Variants in GABRR1 observed in about 807,000 individuals in gnomAD.
GABRR1 encodes gamma-aminobutyric acid type A receptor subunit rho1.
GABRR1 carries 59 observed loss-of-function variants against 55.5 expected under a neutral mutation model. The observed-to-expected ratio is 1.06, with a 90% CI of 0.86 to 1.32. The LOEUF (loss-of-function observed/expected upper bound fraction) is 1.32, where lower values mean the gene tolerates loss of function less well. Ranked by LOEUF, GABRR1 falls within the 40% of genes most tolerant of loss-of-function variation. The pLI is 0.00. For synonymous variants in GABRR1, 213 were observed against 226.0 expected, an observed-to-expected ratio of 0.94 and a Z score of 0.51; for missense variants, 602 against 619.1, an observed-to-expected ratio of 0.97 and a Z score of 0.29.
At position 89,201,168 on chromosome 6, in the gene GABRR1, C is replaced by T; in HGVS notation, c.271G>A (p.Gly91Ser). ...AGCACACATCCCATACCTCCAAAGCCAGGCCTCATGCTGAAATCATGGTCA... is the reference window on the plus strand; with the variant it reads ...AGCACACATCCCATACCTCCAAAGCTAGGCCTCATGCTGAAATCATGGTCA... Reference protein sequence around the residue: ...IDDHDFSMRPGFGGPAIPVGV... With the variant: ...IDDHDFSMRPSFGGPAIPVGV... The change falls in exon 3 of 10, where the codon GGC (glycine) becomes AGC (serine). Residue 91 changes from glycine (G) to serine (S), a missense_variant. Transcript: ENST00000454853. 6.2e-7 allele frequency: 1 copy of T among 1,613,392 alleles called. No homozygotes were observed. The highest frequency in any genetic ancestry group is 8.5e-7 in the Non-Finnish European group (1 of 1,179,322).
intron 5 of GABRR1, among the ~76,000 whole-genome samples, chr6:89,196,771 T>C (rs1384984985): frequency 8.6e-6 from 1 of 116,278 alleles, no homozygotes; most frequent in Non-Finnish European, 1.8e-5. Flanking sequence ...AGCAAAACTC[T>C]GTAAATAAAA....
In GABRR1 at chr6:89,178,676, T is replaced by G; in HGVS notation, c.*94A>C. The G allele has an allele frequency of 8.7e-7, 1 of 1,154,298 alleles. No homozygotes were observed. Among genetic ancestry groups the G allele is most frequent in the South Asian group, 1.5e-5 (1 of 65,672 alleles). The allele number at this position is 1,154,298 out of a possible 1,614,324, so 71.5% of individuals were successfully genotyped here. A position where few individuals can be genotyped will look rare whatever the true frequency, so the allele number is the denominator to read the frequency against. Reference sequence around the variant, plus strand: ...TGAAAACATGGGTGGGTCCTGGGATTTTTTTTTAACCATATCCTTAAATAC... The same window carrying G: ...TGAAAACATGGGTGGGTCCTGGGATGTTTTTTTAACCATATCCTTAAATAC... On this transcript the variant is annotated 3_prime_UTR_variant, in exon 10 of 10. Transcript: ENST00000454853.
intron 1 of GABRR1, among the ~76,000 whole-genome samples, chr6:89,206,087 C>T (rs60269619): frequency 0.065 from 9,926 of 152,052 alleles, 508 homozygotes; most frequent in African/African-American, 0.16. Context: ...ACCCCATGCC[C>T]CACCCCTGCT....
At chr6:89,193,139 G>A (rs185946980) in intron 5 of GABRR1, among the ~76,000 whole-genome samples, 1 of 152,338 alleles carries the variant, frequency 6.6e-6, no homozygotes, top group East Asian at 1.9e-4. Context: ...AGGAAGGACA[G>A]TGACCTCTAT....
chr6:89,178,579 A>G lies in GABRR1; in HGVS notation c.*191T>C. On this transcript the variant is annotated 3_prime_UTR_variant, in exon 10 of 10. Transcript: ENST00000454853. ...TAATATAATGCTGTGTATTCAATAG[A>G]TGGTTAATAAGTGCAAATTAAACCA... 1.7e-6 allele frequency: 1 copy of G among 599,884 alleles called. No homozygotes were observed. The highest frequency in any genetic ancestry group is 2.9e-6 in the Non-Finnish European group (1 of 340,016). The allele number at this position is 599,884 out of a possible 1,614,324, so 37.2% of individuals were successfully genotyped here.
intron 5 of GABRR1, among the ~76,000 whole-genome samples, chr6:89,193,771 C>A (rs1005535236): frequency 6.6e-6 from 1 of 152,118 alleles, no homozygotes; most frequent in Non-Finnish European, 1.5e-5. Flanking sequence ...AAACCAAAAA[C>A]AAACATATCA....
At position 89,178,980 on chromosome 6, in the gene GABRR1, G is replaced by A. The variant is rs779117020; in HGVS notation, c.1230C>T (p.Asp410=). ...NYSDGEVNDL[D]NYMPENGEKP... is the part of the protein sequence containing the mutation. ...TCTCTCCATTCTCTGGCATGTAGTT[G>A]TCCAGGTCATTCACCTCCCCATCAC... Residue 410 remains aspartate, a synonymous_variant, in exon 10 of 10, where the codon GAC becomes GAT. Transcript: ENST00000454853. 17 of 1,614,170 alleles carry A rather than the reference G, an allele frequency of 1.1e-5. 1 individual carries two copies. Among genetic ancestry groups the A allele is most frequent in the Non-Finnish European group, 1.4e-5 (17 of 1,180,032 alleles).
intron 1 of GABRR1, among the ~76,000 whole-genome samples, chr6:89,229,375 T>C (rs898292343): frequency 2.6e-5 from 4 of 151,930 alleles, no homozygotes; most frequent in African/African-American, 9.7e-5. Context: ...CTTTACATTT[T>C]GGCATGATTT....
chr6:89,228,927 T>C (rs1773238392), intron 1 of GABRR1, among the ~76,000 whole-genome samples: 1 of 149,178 alleles, frequency 6.7e-6, no homozygotes, highest in African/African-American at 2.4e-5. Context: ...CAGGACTTGC[T>C]TTATGAATCT....
chr6:89,217,140 C>T, intron 1 of GABRR1, 61 bp downstream of exon 1: 1 of 1,578,494 alleles, frequency 6.3e-7, no homozygotes, highest in South Asian at 1.2e-5. Context: ...TAGAAGAACA[C>T]TGTAAGCTCA....
At chr6:89,213,492 C>T (rs369669933) in intron 1 of GABRR1, among the ~76,000 whole-genome samples, 4 of 152,316 alleles carry the variant, frequency 2.6e-5, no homozygotes, top group African/African-American at 9.6e-5. Context: ...AGAACACTTC[C>T]AGGAGTCTAA....
intron 1 of GABRR1, among the ~76,000 whole-genome samples, chr6:89,230,965 G>A (rs945030409): frequency 6.6e-6 from 1 of 151,886 alleles, no homozygotes; most frequent in African/African-American, 2.4e-5. Flanking sequence ...TAGTCTCGTG[G>A]TGCGCCGTTT....
Position 89,185,445 on chromosome 6 carries a change from A to G in GABRR1, c.661T>C (p.Tyr221His). The G allele has an allele frequency of 6.2e-7, 1 of 1,613,438 alleles. No homozygotes were observed. The highest frequency in any genetic ancestry group is 8.5e-7 in the Non-Finnish European group (1 of 1,179,428). ...TACAGCATGAGGTCATCTTCTGTAT[A>G]GGCATCTGAAAAGACAGGGGCCAGC... ...TCSLEIESYA[Y>H]TEDDLMLYWK... Residue 221 changes from tyrosine to histidine, a missense_variant, in exon 7 of 10, where the codon TAT (tyrosine) becomes CAT (histidine). Tyr to His is a moderately conservative substitution (Grantham distance 83). Around this residue, in one of 3 missense-constraint regions of GABRR1, gnomAD observed 435 missense variants for 424.2 expected, o/e 1.03. Coordinates refer to ENST00000454853, the MANE Select transcript of GABRR1 (RefSeq NM_002042.5).
At position 89,180,827 on chromosome 6, in the gene GABRR1, G is replaced by A. The variant is rs561192861; in HGVS notation, c.950-339C>T. Among the ~76,000 whole-genome samples, 21 of 152,254 alleles carry A rather than the reference G, an allele frequency of 1.4e-4. 1 individual carries two copies. Among genetic ancestry groups the A allele is most frequent in the South Asian group, 4.1e-4 (2 of 4,822 alleles). On this transcript the variant is annotated intron_variant, in intron 8 of 9. Coordinates refer to ENST00000454853, the MANE Select transcript of GABRR1 (RefSeq NM_002042.5). ...TTACAAAATAAGAGGTTGCATATAT[G>A]AGCAGGTATATATGTTTCTTATAAC... is the stretch of plus-strand genomic sequence containing the variant.
At chr6:89,212,583 G>A (rs9451180) in intron 1 of GABRR1, among the ~76,000 whole-genome samples, 80,043 of 151,800 alleles carry the variant, frequency 0.53, 21,425 homozygotes, top group Middle Eastern at 0.61. Context: ...TGGTCCAGGG[G>A]CCCATAGTGT....
At chr6:89,223,823 G>A (rs985851408) in intron 1 of GABRR1, among the ~76,000 whole-genome samples, 7 of 151,644 alleles carry the variant, frequency 4.6e-5, no homozygotes, top group Admixed American at 3.3e-4. Flanking sequence ...GAGTGCAATG[G>A]CACCATCTTG....
At position 89,190,259 on chromosome 6, in the gene GABRR1, A is replaced by G. The variant is rs116309371; in HGVS notation, c.573-12T>C. ...CAGTTACTGTAACCCTAGGGCCAAA[A>G]AGACAAAATTGATTTATTCAGAGCC... On this transcript the variant is annotated splice_polypyrimidine_tract_variant and intron_variant, in intron 5 of 9. Transcript: ENST00000454853. The G allele has an allele frequency of 9.3e-4, 1,481 of 1,592,574 alleles. 14 individuals carry two copies. The African/African-American group carries it at 0.018, about 19-fold the overall frequency.
intron 1 of GABRR1, among the ~76,000 whole-genome samples, chr6:89,216,657 T>G (rs1183458400): frequency 1.3e-5 from 2 of 152,202 alleles, no homozygotes; most frequent in Non-Finnish European, 2.9e-5. Flanking sequence ...AGGCAAGCAC[T>G]TGCCTGCAGG....
chr6:89,196,786 A>G (rs917439865), intron 5 of GABRR1, among the ~76,000 whole-genome samples: 5 of 150,056 alleles, frequency 3.3e-5, no homozygotes, highest in Admixed American at 2.0e-4. Context: ...ATAAAAAAAG[A>G]AAAGAAGGAA....
Sources: allele counts gnomAD v4.1 joint callset (sites outside exome capture counted in the v4.1 genomes callset), GRCh38; gene constraint gnomAD v4.1.1; regional missense constraint gnomAD v4.1.1; transcripts MANE v1.5; gene names NCBI Gene and HGNC (gene_info 2026-07-23, HGNC 2026-07-21).